FAM200C: variants seen among roughly 807,000 people sequenced by gnomAD.
chr5:160,395,131 T>C, the FAM200C span: 3 of 1,613,942 alleles, frequency 1.9e-6, no homozygotes, highest in Non-Finnish European at 2.5e-6. Flanking sequence ...CTATTTCCAG[T>C]GCACAAGGTT....
chr5:160,394,052 A>C, the FAM200C span: 3 of 1,611,640 alleles, frequency 1.9e-6, no homozygotes, highest in Middle Eastern at 3.3e-4. Context: ...ATCGATATTA[A>C]AAAGAAATGG....
the FAM200C span, chr5:160,393,674 A>G: frequency 7.3e-7 from 1 of 1,375,666 alleles, no homozygotes; most frequent in Non-Finnish European, 1.0e-6. Context: ...TGATATTAAG[A>G]TTGAAATTAT....
chr5:160,394,134 G>T, the FAM200C span: 1 of 1,613,548 alleles, frequency 6.2e-7, no homozygotes, highest in Non-Finnish European at 8.5e-7. Context: ...TTGCTCAATT[G>T]TTGCAGATGC....
At chr5:160,397,139 C>T in the FAM200C span, among the ~76,000 whole-genome samples, 1 of 152,180 alleles carries the variant, frequency 6.6e-6, no homozygotes, top group Non-Finnish European at 1.5e-5. Flanking sequence ...CATATCTTCT[C>T]CAGAAGCAGA....
chr5:160,396,698 G>GAAAAAAAAAAAAAAA, the FAM200C span, among the ~76,000 whole-genome samples: 1 of 48,370 alleles, frequency 2.1e-5, no homozygotes, highest in African/African-American at 7.0e-5. Flanking sequence ...AGTCTCTGTG[G>GAAAAAAAAAAAAAAA]AAAAAAAAAA....
At chr5:160,393,704 G>A in the FAM200C span, 4 of 1,540,648 alleles carry the variant, frequency 2.6e-6, no homozygotes, top group Non-Finnish European at 3.5e-6. Context: ...AAGTATATCA[G>A]CTTACAGTGA....
At chr5:160,394,640 G>T in the FAM200C span, 2 of 1,613,938 alleles carry the variant, frequency 1.2e-6, no homozygotes, top group African/African-American at 2.7e-5. Context: ...CAGTTTTGTA[G>T]GCAATGTCTT....
chr5:160,398,306 T>G, the FAM200C span, among the ~76,000 whole-genome samples: 1 of 152,152 alleles, frequency 6.6e-6, no homozygotes, highest in East Asian at 1.9e-4. Flanking sequence ...TCCCAGCACT[T>G]TGGGAGGCCG....
At chr5:160,397,051 C>T in the FAM200C span, among the ~76,000 whole-genome samples, 1 of 152,186 alleles carries the variant, frequency 6.6e-6, no homozygotes, top group Non-Finnish European at 1.5e-5. Context: ...TGATCTGTGA[C>T]AAGAGACACC....
chr5:160,396,198 C>T, the FAM200C span, among the ~76,000 whole-genome samples: 1 of 151,828 alleles, frequency 6.6e-6, no homozygotes, highest in Non-Finnish European at 1.5e-5. Context: ...CCATTATCCA[C>T]GTCCATGTGT....
chr5:160,399,451 G>A, the FAM200C span, among the ~76,000 whole-genome samples: 29 of 152,200 alleles, frequency 1.9e-4, no homozygotes, highest in African/African-American at 7.0e-4. Flanking sequence ...ATAGGCGCAG[G>A]TGTCTGGGGA....
the FAM200C span, among the ~76,000 whole-genome samples, chr5:160,399,071 A>C: frequency 6.6e-6 from 1 of 152,238 alleles, no homozygotes; most frequent in Non-Finnish European, 1.5e-5. Flanking sequence ...GATGATGGGT[A>C]TACATCATTA....
At chr5:160,394,849 C>T in the FAM200C span, 2 of 1,613,398 alleles carry the variant, frequency 1.2e-6, no homozygotes, top group Admixed American at 3.3e-5. Flanking sequence ...CTATTCCTTT[C>T]ATGGATAGCT....
chr5:160,396,559 T>C, the FAM200C span, among the ~76,000 whole-genome samples: 1 of 152,006 alleles, frequency 6.6e-6, no homozygotes, highest in African/African-American at 2.4e-5. Flanking sequence ...GAGACCAGCC[T>C]GGGCAATATG....
At chr5:160,396,315 C>G in the FAM200C span, among the ~76,000 whole-genome samples, 2 of 152,102 alleles carry the variant, frequency 1.3e-5, no homozygotes, top group Non-Finnish European at 2.9e-5. Context: ...AGTTTTGACT[C>G]CAACTTAGGC....
At chr5:160,395,587 G>C in the FAM200C span, 8 of 957,336 alleles carry the variant, frequency 8.4e-6, no homozygotes, top group Non-Finnish European at 1.3e-5. Flanking sequence ...GTGGCTAACT[G>C]AATTAAAACA....
chr5:160,398,519 C>T, the FAM200C span, among the ~76,000 whole-genome samples: 1 of 152,314 alleles, frequency 6.6e-6, no homozygotes, highest in African/African-American at 2.4e-5. Flanking sequence ...GACTGGGTGA[C>T]GGAGTGAGAC....
At chr5:160,395,046 T>C in the FAM200C span, 226 of 1,613,886 alleles carry the variant, frequency 1.4e-4, no homozygotes, top group Non-Finnish European at 1.8e-4. Context: ...TCATCAATTC[T>C]AGAATGGATC....
At chr5:160,394,085 T>C in the FAM200C span, 11 of 1,612,920 alleles carry the variant, frequency 6.8e-6, no homozygotes, top group South Asian at 1.2e-4. Flanking sequence ...TTTACTTGCC[T>C]CATTAAGATC....
Sources: allele counts gnomAD v4.1 joint callset (sites outside exome capture counted in the v4.1 genomes callset), GRCh38; gene constraint gnomAD v4.1.1; transcripts MANE v1.5.